The following PCDHGA5 variants were observed in gnomAD, a reference collection of about 807,000 sequenced individuals.
The protein encoded by PCDHGA5 is protocadherin gamma subfamily A, 5.
Under a neutral mutation model 56.7 loss-of-function variants are expected in PCDHGA5, and 36 were observed. That is an observed-to-expected ratio of 0.64 (90% confidence interval 0.49 to 0.84). The LOEUF is 0.84. PCDHGA5 is among the 40% of genes least tolerant of loss of function. The pLI is 0.00. For synonymous variants in PCDHGA5, 563 were observed against 520.2 expected (o/e 1.08, Z -1.12); for missense variants, 1,305 against 1,201.5 (o/e 1.09, Z -1.27).
chr5:141,395,538 TTGTTTGTG>T (rs2093252084), intron 1 of PCDHGA5: 3 of 225,786 alleles, frequency 1.3e-5, no homozygotes, highest in South Asian at 6.0e-5. Flanking sequence ...AATTTTGCTA[TTGTTTGTG>T]TGTGTGTGTG....
chr5:141,390,034 C>A, intron 1 of PCDHGA5: 2 of 1,614,066 alleles, frequency 1.2e-6, no homozygotes, highest in Non-Finnish European at 1.7e-6. Context: ...CGACGCTCCT[C>A]CAGCCCCGCC....
chr5:141,382,896 G>A (rs754850386), intron 1 of PCDHGA5: 5 of 1,537,678 alleles, frequency 3.3e-6, no homozygotes, highest in Admixed American at 2.1e-5. Context: ...GAAGCAGGAC[G>A]ACTATGGCGG....
intron 1 of PCDHGA5, chr5:141,389,142 G>C (rs72790030): frequency 2.5e-6 from 4 of 1,613,970 alleles, no homozygotes; most frequent in African/African-American, 2.7e-5. Flanking sequence ...CAATATAACC[G>C]TTACGGCAAC....
At chr5:141,383,287 G>T (rs753501762) in intron 1 of PCDHGA5, 3 of 1,613,916 alleles carry the variant, frequency 1.9e-6, no homozygotes, top group Non-Finnish European at 1.7e-6. Flanking sequence ...TAATGACAAC[G>T]TTCCAAGATT....
At chr5:141,401,533 C>CA (rs902946394) in intron 1 of PCDHGA5, among the ~76,000 whole-genome samples, 5 of 151,672 alleles carry the variant, frequency 3.3e-5, no homozygotes, top group Admixed American at 6.6e-5. Flanking sequence ...AAGAAACTTA[C>CA]AAAAAAAAGG....
rs889945954 is a variant in PCDHGA5, at chr5:141,489,368, C to A, written c.2422-5439C>A. The A allele has an allele frequency of 2.5e-6, 4 of 1,613,384 alleles. No homozygotes were observed. Among genetic ancestry groups the A allele is most frequent in the Non-Finnish European group, 3.4e-6 (4 of 1,179,478 alleles). On this transcript the variant is annotated intron_variant, in intron 1 of 3. Coordinates refer to ENST00000518069, the MANE Select transcript of PCDHGA5 (RefSeq NM_018918.3). The surrounding 1 kb of genome is among the most constrained non-coding windows in gnomAD (Gnocchi z 4.5). ...GTGGTGGAGGAGTCTGAGCCGGGGA[C>A]GCTGGTGGGGAATGTTGCTCAGGAT...
chr5:141,495,918 T>C (rs2099764622), intron 2 of PCDHGA5, among the ~76,000 whole-genome samples: 1 of 152,184 alleles, frequency 6.6e-6, no homozygotes, highest in African/African-American at 2.4e-5. Flanking sequence ...ATATCTTTCT[T>C]TGTCTCTGTC....
rs1764025097 is a variant in PCDHGA5, at chr5:141,365,621, C to A, written c.1291C>A (p.Pro431Thr). 2 of 1,613,576 alleles carry A rather than the reference C, an allele frequency of 1.2e-6. No individual in the cohort carries two copies. The highest frequency in any genetic ancestry group is 8.5e-7 in the Non-Finnish European group (1 of 1,179,880). The change falls in exon 1 of 4, where the codon CCC becomes ACC. Residue 431 changes from proline to threonine, a missense_variant. By Grantham distance (38) the Pro-to-Thr change is conservative. Coordinates refer to ENST00000518069, the MANE Select transcript of PCDHGA5 (RefSeq NM_018918.3). ...AACCGTCATGGACCATGGAACCCCG[C>A]CCCTCTCTACAGAAAGCCACATCCC... ...TLTVMDHGTP[P>T]LSTESHIPLK...
chr5:141,489,696 C>T lies in PCDHGA5; in HGVS notation c.2422-5111C>T. On this transcript the variant is annotated intron_variant, in intron 1 of 3. Transcript: ENST00000518069. This position sits in a 1 kb window ranked among gnomAD's most constrained non-coding sequence, Gnocchi z 4.5. ...AATCAGCAGCATCTGGGGCACGATT[C>T]CCACTGGACAGTGCCCAGGATCCGG... 6.2e-7 allele frequency: 1 copy of T among 1,614,170 alleles called. No homozygotes were observed. Among genetic ancestry groups the T allele is most frequent in the Non-Finnish European group, 8.5e-7 (1 of 1,180,002 alleles).
In PCDHGA5 at chr5:141,476,316, G is replaced by A. The variant is rs536532455; in HGVS notation, c.2422-18491G>A. On this transcript the variant is annotated intron_variant, in intron 1 of 3. Coordinates refer to ENST00000518069, the MANE Select transcript of PCDHGA5 (RefSeq NM_018918.3). This position sits in a 1 kb window ranked among gnomAD's most constrained non-coding sequence, Gnocchi z 7.6. ...GGTAGCCTCTCAGCCCGCAGGTTCC[G>A]GGTGGTGTCTGGAGCTAGCCGAAGA... is the stretch of plus-strand genomic sequence containing the variant. The A allele has an allele frequency of 6.2e-7, 1 of 1,614,176 alleles. No individual in the cohort carries two copies. The highest frequency in any genetic ancestry group is 1.7e-5 in the Admixed American group (1 of 60,028).
chr5:141,435,781 C>T (rs3828680), intron 1 of PCDHGA5, among the ~76,000 whole-genome samples: 81,882 of 151,942 alleles, frequency 0.54, 24,120 homozygotes, highest in African/African-American at 0.79. Flanking sequence ...TGTAAAGGTG[C>T]AGGGAAACAT....
chr5:141,366,178 CTT>C lies in PCDHGA5; in HGVS notation c.1850_1851del (p.Phe617CysfsTer53), dbSNP rs35325687. On this transcript the variant is annotated frameshift_variant, in exon 1 of 4. Coordinates refer to ENST00000518069, the MANE Select transcript of PCDHGA5 (RefSeq NM_018918.3). LOFTEE classifies it high-confidence loss of function. Reference sequence around the variant, plus strand: ...TGCTTAAGGCCAGCGAGCCAGGACTCTTTGCGGTTGGGCTGCACACGGGCGAG... The same window carrying C: ...TGCTTAAGGCCAGCGAGCCAGGACTCTGCGGTTGGGCTGCACACGGGCGAG... ...RLLKASEPGLFAVGLHTGEVR... is the reference protein window; with the variant it reads ...RLLKASEPGLXAVGLHTGEVR... The C allele has an allele frequency of 1.5e-5, 24 of 1,613,926 alleles. No homozygotes were observed. In the Admixed American group the frequency reaches 3.5e-4, roughly 24 times the overall value.
intron 1 of PCDHGA5, chr5:141,371,943 C>T: frequency 6.2e-7 from 1 of 1,613,302 alleles, no homozygotes; most frequent in Non-Finnish European, 8.5e-7. Context: ...GGTGTTCGCG[C>T]AGCGAGCCTT....
At chr5:141,458,988 C>T (rs996478276) in intron 1 of PCDHGA5, among the ~76,000 whole-genome samples, 1 of 152,208 alleles carries the variant, frequency 6.6e-6, no homozygotes, top group South Asian at 2.1e-4. Context: ...CTGCCTCACC[C>T]TCCCAAAGTG....
At chr5:141,501,127 T>C (rs2099805755) in intron 2 of PCDHGA5, among the ~76,000 whole-genome samples, 5 of 152,024 alleles carry the variant, frequency 3.3e-5, no homozygotes, top group Non-Finnish European at 7.4e-5. Context: ...TCAGCCTCCC[T>C]AAGTGCTGGG....
At chr5:141,415,129 G>C in intron 1 of PCDHGA5, 1 of 1,613,656 alleles carries the variant, frequency 6.2e-7, no homozygotes, top group African/African-American at 1.3e-5. Flanking sequence ...GGCCGTCCAG[G>C]ACCACGGCCA....
intron 1 of PCDHGA5, chr5:141,372,029 C>A (rs576761049): frequency 2.7e-5 from 43 of 1,613,324 alleles, no homozygotes; most frequent in Non-Finnish European, 3.2e-5. Context: ...TCAGCGCCAA[C>A]GTGAGCCTGC....
intron 1 of PCDHGA5, 177 bp from the exon 2 acceptor site, chr5:141,494,630 C>T (rs991482599): frequency 5.8e-6 from 5 of 866,562 alleles, no homozygotes; most frequent in Non-Finnish European, 6.9e-6. Flanking sequence ...GTACCTCAGA[C>T]CTCTGAGACC....
chr5:141,428,119 C>CCGGGCTTTTCAGCCTGGGGCTGCACA, intron 1 of PCDHGA5: 1 of 1,606,630 alleles, frequency 6.2e-7, no homozygotes, highest in Non-Finnish European at 8.5e-7. Context: ...GCCATCGAGC[C>CCGGGCTTTTCAGCCTGGGGCTGCACA]CGGGCTTTTC....
Sources: gnomAD v4.1 joint callset for allele counts (sites outside exome capture counted in the v4.1 genomes callset) on GRCh38, gnomAD v4.1.1 for gene constraint, Gnocchi (gnomAD v3.1) non-coding constraint, MANE v1.5 for transcripts, NCBI Gene and HGNC (gene_info 2026-07-23, HGNC 2026-07-21) for gene names.